ANKS1B: variants seen among roughly 807,000 people sequenced by gnomAD.
The protein encoded by ANKS1B is ankyrin repeat and sterile alpha motif domain containing 1B.
ANKS1B carries 36 observed loss-of-function variants against 148.3 expected under a neutral mutation model. The observed-to-expected ratio is 0.24, with a 90% CI of 0.19 to 0.32. The LOEUF is 0.32. Among genes scored for constraint, ANKS1B ranks in the 10% least tolerant of loss-of-function variants. The pLI is 1.00. For missense variants in ANKS1B, 1,157 were observed against 1,542.6 expected (o/e 0.75, Z 4.19); for synonymous variants, 542 against 560.8 (o/e 0.97, Z 0.47).
At chr12:99,461,831 T>C (rs1212371210) in intron 10 of ANKS1B, among the ~76,000 whole-genome samples, 1 of 152,210 alleles carries the variant, frequency 6.6e-6, no homozygotes, top group African/African-American at 2.4e-5. Flanking sequence ...ACCCATGTAT[T>C]TCATTATGAA....
chr12:99,051,268 T>G (rs561621347), intron 17 of ANKS1B, among the ~76,000 whole-genome samples: 20 of 152,238 alleles, frequency 1.3e-4, no homozygotes, highest in Non-Finnish European at 2.9e-4. Flanking sequence ...TAAGTGATCC[T>G]TACTTCAGTG....
At chr12:99,885,386 T>C (rs1401152434) in intron 1 of ANKS1B, among the ~76,000 whole-genome samples, 3 of 150,060 alleles carry the variant, frequency 2.0e-5, no homozygotes. Context: ...CTGCAAGCTC[T>C]GCCTCCCGGG....
Position 99,374,301 on chromosome 12 carries a change from T to C in ANKS1B, c.1756+25330A>G, listed in dbSNP as rs78871567. Among the ~76,000 whole-genome samples, 587 of 152,304 alleles carry C rather than the reference T, an allele frequency of 3.9e-3. 37 individuals carry two copies. In the East Asian group the frequency reaches 0.089, roughly 23 times the overall value. ...TTCCCAGTTAGAGCCACTGTCTGTG[T>C]GGAGTTTGCAGGTTTTCCCCGTGTC... is the stretch of plus-strand genomic sequence containing the variant. On this transcript the variant is annotated intron_variant, in intron 12 of 26. Transcript: ENST00000683438.
chr12:99,727,390 T>C (rs1199448102), intron 8 of ANKS1B, among the ~76,000 whole-genome samples: 3 of 151,928 alleles, frequency 2.0e-5, no homozygotes, highest in African/African-American at 7.3e-5. Context: ...CCATTCACAA[T>C]TGCTATAAAG....
intron 12 of ANKS1B, among the ~76,000 whole-genome samples, chr12:99,392,102 T>C (rs2094093408): frequency 6.6e-6 from 1 of 152,236 alleles, no homozygotes; most frequent in Non-Finnish European, 1.5e-5. Flanking sequence ...CCATATCAGC[T>C]TGCCCCGAAT....
intron 14 of ANKS1B, among the ~76,000 whole-genome samples, chr12:99,232,286 A>G (rs1455530493): frequency 6.6e-6 from 1 of 152,220 alleles, no homozygotes; most frequent in East Asian, 1.9e-4. Context: ...TTTAACCTTA[A>G]GTATAAGAAG....
intron 21 of ANKS1B, among the ~76,000 whole-genome samples, chr12:98,800,057 G>T (rs2098988228): frequency 6.6e-6 from 1 of 152,034 alleles, no homozygotes. Context: ...AGAAGGCGTG[G>T]TCAGGGCCTT....
chr12:98,762,786 T>A (rs1016236604), intron 25 of ANKS1B, among the ~76,000 whole-genome samples: 8 of 152,180 alleles, frequency 5.3e-5, no homozygotes, highest in Non-Finnish European at 7.3e-5. Context: ...TTTATTATGA[T>A]TTTCTCCTTA....
chr12:99,199,828 C>G (rs1361767889), intron 14 of ANKS1B, among the ~76,000 whole-genome samples: 1 of 152,116 alleles, frequency 6.6e-6, no homozygotes. Context: ...TAGAGGGACA[C>G]GTACTCAGTG....
At chr12:98,975,405 A>T (rs1162713853) in intron 17 of ANKS1B, among the ~76,000 whole-genome samples, 2 of 141,360 alleles carry the variant, frequency 1.4e-5, no homozygotes, top group Non-Finnish European at 3.0e-5. Context: ...TTCCTGCCTG[A>T]CTTCCTTTCT....
intron 12 of ANKS1B, among the ~76,000 whole-genome samples, chr12:99,298,752 C>A (rs926811415): frequency 6.6e-6 from 1 of 152,050 alleles, no homozygotes; most frequent in Non-Finnish European, 1.5e-5. Context: ...TGGCCATAGC[C>A]TATATACTTA....
chr12:99,427,158 T>A (rs904749222), intron 11 of ANKS1B, among the ~76,000 whole-genome samples: 2 of 152,230 alleles, frequency 1.3e-5, no homozygotes, highest in African/African-American at 4.8e-5. Flanking sequence ...TAAGGTATTC[T>A]CTAGCCAGAG....
At chr12:99,804,311 G>A (rs2067325029) in intron 4 of ANKS1B, among the ~76,000 whole-genome samples, 1 of 152,174 alleles carries the variant, frequency 6.6e-6, no homozygotes, top group Non-Finnish European at 1.5e-5. Context: ...ACCTACAATA[G>A]TAAGCATACC....
Position 99,677,960 on chromosome 12 carries a change from A to G in ANKS1B, c.1129-22750T>C, listed in dbSNP as rs548759888. ...TGCATTCCAGCATGGACAACAGAGC[A>G]AGACTCCGTCTCAAAAAAAAATTTT... is the stretch of plus-strand genomic sequence containing the variant. On this transcript the variant is annotated intron_variant, in intron 8 of 26. Transcript: ENST00000683438. Among the ~76,000 whole-genome samples, 18 of 152,338 alleles carry G rather than the reference A, an allele frequency of 1.2e-4. No homozygotes were observed. The South Asian group carries it at 3.1e-3, about 26-fold the overall frequency.
intron 8 of ANKS1B, chr12:99,706,528 C>T (rs984521345): frequency 6.6e-6 from 1 of 151,960 alleles, no homozygotes; most frequent in Non-Finnish European, 1.5e-5. Context: ...TGTTAGGGAC[C>T]TATGGCAGAA....
chr12:99,326,079 A>T (rs2086246995), intron 12 of ANKS1B, among the ~76,000 whole-genome samples: 1 of 152,040 alleles, frequency 6.6e-6, no homozygotes, highest in Non-Finnish European at 1.5e-5. Flanking sequence ...CTCATTCACT[A>T]TCACGAGAAC....
At chr12:99,824,982 A>G (rs2082993982) in intron 2 of ANKS1B, among the ~76,000 whole-genome samples, 1 of 152,164 alleles carries the variant, frequency 6.6e-6, no homozygotes, top group African/African-American at 2.4e-5. Context: ...GACACCAAAA[A>G]AGGTAAAGGG....
intron 17 of ANKS1B, among the ~76,000 whole-genome samples, chr12:98,952,211 T>C (rs1437293856): frequency 1.3e-5 from 2 of 152,216 alleles, no homozygotes; most frequent in African/African-American, 2.4e-5. Flanking sequence ...AGACTTGTAG[T>C]AGTGTAGTAT....
intron 9 of ANKS1B, among the ~76,000 whole-genome samples, chr12:99,635,994 T>C (rs1013574357): frequency 2.0e-5 from 3 of 152,066 alleles, no homozygotes; most frequent in African/African-American, 4.8e-5. Context: ...CTAAGCAAGA[T>C]ACAAAATCCA....
Sources: allele counts gnomAD v4.1 joint callset (sites outside exome capture counted in the v4.1 genomes callset), GRCh38; gene constraint gnomAD v4.1.1; transcripts MANE v1.5; gene names NCBI Gene and HGNC (gene_info 2026-07-23, HGNC 2026-07-21).